The following PLXDC2 variants were observed in gnomAD, a reference collection of about 807,000 sequenced individuals.
The protein encoded by PLXDC2 is plexin domain-containing protein 2.
In PLXDC2, 40 loss-of-function variants were observed where a neutral mutation model predicts 68.9. The ratio of observed to expected loss-of-function variants is 0.58; its 90% CI spans 0.45 to 0.76. The LOEUF (loss-of-function observed/expected upper bound fraction) is 0.76, where lower values mean the gene tolerates loss of function less well. PLXDC2 is among the 30% of genes least tolerant of loss of function. The probability of loss-of-function intolerance (pLI) is 0.00; values close to 1 mark genes in which losing one functional copy is unlikely to be tolerated. For missense variants in PLXDC2, 644 were observed against 661.9 expected (o/e 0.97, Z 0.30); for synonymous variants, 243 against 234.2 (o/e 1.04, Z -0.34).
chr10:20,027,375 C>T (rs191197794), intron 2 of PLXDC2, among the ~76,000 whole-genome samples: 22 of 152,186 alleles, frequency 1.4e-4, no homozygotes, highest in Middle Eastern at 3.4e-3. Context: ...CCCTTCTCTC[C>T]TTCTCATTGT....
At chr10:20,140,578 C>CACCT (rs1193045473) in intron 4 of PLXDC2, among the ~76,000 whole-genome samples, 3 of 151,900 alleles carry the variant, frequency 2.0e-5, no homozygotes, top group Non-Finnish European at 4.4e-5. Context: ...TCTTATTTAA[C>CACCT]ACCTAATTAC....
intron 1 of PLXDC2, among the ~76,000 whole-genome samples, chr10:19,897,462 C>A (rs978471938): frequency 6.6e-6 from 1 of 151,992 alleles, no homozygotes; most frequent in African/African-American, 2.4e-5. Flanking sequence ...TCAGGCTGGT[C>A]TCGAACTCCC....
At chr10:20,162,147 A>AG (rs2131812479) in intron 6 of PLXDC2, among the ~76,000 whole-genome samples, 2 of 150,830 alleles carry the variant, frequency 1.3e-5, no homozygotes, top group South Asian at 4.3e-4. Context: ...AAGGAAAGAA[A>AG]AAGGAAGGAA....
In PLXDC2 at chr10:19,897,325, C is replaced by T. The variant is rs371625917; in HGVS notation, c.112+80134C>T. Among the ~76,000 whole-genome samples the T allele has an allele frequency of 1.1e-4, 16 of 152,008 alleles. No homozygotes were observed. The East Asian group carries it at 2.9e-3, about 28-fold the overall frequency. On this transcript the variant is annotated intron_variant, in intron 1 of 13. Transcript: ENST00000377252. ...CACGATCTCGGCTCACCGCAACCTC[C>T]GCCTCCCAGGTTCAAGCAATTCTCC...
At chr10:20,016,908 A>T (rs1006867088) in intron 2 of PLXDC2, among the ~76,000 whole-genome samples, 1 of 152,194 alleles carries the variant, frequency 6.6e-6, no homozygotes, top group African/African-American at 2.4e-5. Flanking sequence ...AAAGACAATG[A>T]GGGGGCTTAC....
At chr10:19,852,480 C>T (rs1296964938) in intron 1 of PLXDC2, among the ~76,000 whole-genome samples, 3 of 140,078 alleles carry the variant, frequency 2.1e-5, no homozygotes, top group East Asian at 2.1e-4. Context: ...TCAATAGGCT[C>T]CTTTGCATAT....
At chr10:20,000,044 C>G (rs187233453) in intron 1 of PLXDC2, among the ~76,000 whole-genome samples, 2 of 152,124 alleles carry the variant, frequency 1.3e-5, no homozygotes, top group African/African-American at 4.8e-5. Context: ...TTGCCTGGTC[C>G]GATGATGCTT....
At chr10:19,840,701 C>G (rs2481939) in intron 1 of PLXDC2, among the ~76,000 whole-genome samples, 40,888 of 151,860 alleles carry the variant, frequency 0.27, 6,194 homozygotes, top group East Asian at 0.46. Flanking sequence ...TTATTGAAAA[C>G]AAATTACTAG....
intron 5 of PLXDC2, among the ~76,000 whole-genome samples, chr10:20,145,191 G>T (rs16919941): frequency 0.058 from 8,857 of 152,170 alleles, 290 homozygotes; most frequent in Middle Eastern, 0.078. Flanking sequence ...TGCATGTATT[G>T]TTTACCCACT....
intron 4 of PLXDC2, among the ~76,000 whole-genome samples, chr10:20,142,892 A>T (rs538612236): frequency 6.6e-6 from 1 of 152,170 alleles, no homozygotes; most frequent in South Asian, 2.1e-4. Flanking sequence ...CATAAATACC[A>T]TGAAAATGAA....
In PLXDC2 at chr10:20,288,787, T is replaced by C. The variant is rs982337704; in HGVS notation, c.*8968T>C. 1 of 152,162 alleles carries C rather than the reference T, an allele frequency of 6.6e-6. No individual in the cohort carries two copies. The allele number at this position is 152,162 out of a possible 1,614,324, so 9.4% of individuals were successfully genotyped here. On this transcript the variant is annotated 3_prime_UTR_variant, in exon 14 of 14. Transcript: ENST00000377252. ...TGTGGGAAATCTGATTTTTTTCCCC[T>C]AGTAATAGTTTGATAAGAAATTTAG...
intron 1 of PLXDC2, among the ~76,000 whole-genome samples, chr10:19,910,168 TTATATATATA>T (rs3043811): frequency 2.1e-5 from 3 of 145,198 alleles, no homozygotes; most frequent in East Asian, 2.1e-4. Context: ...TTGTACACTT[TTATATATATA>T]TATATATATA....
chr10:19,916,346 G>C (rs150987971), intron 1 of PLXDC2, among the ~76,000 whole-genome samples: 1 of 128,138 alleles, frequency 7.8e-6, no homozygotes, highest in East Asian at 2.2e-4. Context: ...ATGGGGTTTC[G>C]CCACGTTGGC....
chr10:20,111,780 C>T (rs969252669), intron 4 of PLXDC2, among the ~76,000 whole-genome samples: 6 of 152,208 alleles, frequency 3.9e-5, no homozygotes, highest in Non-Finnish European at 5.9e-5. Context: ...ATTCTTCTAA[C>T]ATCCAGAAAG....
At chr10:19,966,391 T>TA in intron 1 of PLXDC2, among the ~76,000 whole-genome samples, 1 of 147,462 alleles carries the variant, frequency 6.8e-6, no homozygotes, top group Non-Finnish European at 1.5e-5. Flanking sequence ...TGTGCACATA[T>TA]ATAAAATATA....
In PLXDC2 at chr10:20,284,821, T is replaced by C. The variant is rs1167287801; in HGVS notation, c.*5002T>C. 1.3e-5 allele frequency: 2 copies of C among 152,182 alleles called. No homozygotes were observed. The highest frequency in any genetic ancestry group is 6.5e-5 in the Admixed American group (1 of 15,278). 9.4% of individuals were successfully genotyped at this position (152,182 alleles called of 1,614,324 possible). On this transcript the variant is annotated 3_prime_UTR_variant, in exon 14 of 14. Transcript: ENST00000377252. ...CTCAACGGTAACTTTATTTGCTATA[T>C]TGACAATCTGCTCTGTTCTGTAATA...
At chr10:20,162,108 G>A (rs1308762078) in intron 6 of PLXDC2, among the ~76,000 whole-genome samples, 2 of 147,308 alleles carry the variant, frequency 1.4e-5, no homozygotes, top group South Asian at 2.2e-4. Flanking sequence ...AGGAAGGAAG[G>A]AAGGAAGGAA....
chr10:20,245,785 C>T (rs1250634982), intron 13 of PLXDC2, among the ~76,000 whole-genome samples: 1 of 152,124 alleles, frequency 6.6e-6, no homozygotes, highest in Non-Finnish European at 1.5e-5. Flanking sequence ...AGTTTTTGGT[C>T]CTTTTATACC....
intron 10 of PLXDC2, among the ~76,000 whole-genome samples, chr10:20,215,806 A>T (rs956312683): frequency 2.8e-4 from 43 of 152,196 alleles, no homozygotes; most frequent in African/African-American, 9.9e-4. Context: ...CTTGCTGATC[A>T]TGCCTATTTA....
Sources: gnomAD v4.1 joint callset for allele counts (sites outside exome capture counted in the v4.1 genomes callset) on GRCh38, gnomAD v4.1.1 for gene constraint, MANE v1.5 for transcripts, NCBI Gene and HGNC (gene_info 2026-07-23, HGNC 2026-07-21) for gene names.